Variants in CCNY observed in about 807,000 individuals in gnomAD.
The protein encoded by CCNY is cyclin Y.
A neutral mutation model predicts 42.8 loss-of-function variants in CCNY; 19 were observed. The observed-to-expected ratio is 0.44, with a 90% confidence interval of 0.31 to 0.65. CCNY has a LOEUF of 0.65. CCNY is among the 30% of genes least tolerant of loss of function. The pLI is 0.07. For missense variants in CCNY, 370 were observed against 437.3 expected (o/e 0.85, Z 1.37); for synonymous variants, 165 against 162.7 (o/e 1.01, Z -0.11).
chr10:35,377,461 AC>A (rs754321509), intron 1 of CCNY, among the ~76,000 whole-genome samples: 4 of 152,242 alleles, frequency 2.6e-5, no homozygotes, highest in Non-Finnish European at 5.9e-5. Context: ...CCTATGAACA[AC>A]CGGCTGTCCT....
At chr10:35,525,125 A>G (rs1196602848) in intron 4 of CCNY, among the ~76,000 whole-genome samples, 1 of 152,230 alleles carries the variant, frequency 6.6e-6, no homozygotes, top group Non-Finnish European at 1.5e-5. Context: ...CGACAATCAT[A>G]TGAAGGAATA....
intron 7 of CCNY, among the ~76,000 whole-genome samples, chr10:35,538,539 T>C (rs1840932753): frequency 6.6e-6 from 1 of 152,246 alleles, no homozygotes; most frequent in African/African-American, 2.4e-5. Context: ...AGGTCATTGT[T>C]TTTATTTGCA....
chr10:35,305,044 C>A (rs1371680311), intron 3 of CCNY, among the ~76,000 whole-genome samples: 2 of 152,180 alleles, frequency 1.3e-5, no homozygotes, highest in African/African-American at 2.4e-5. Flanking sequence ...AGGAACAATT[C>A]ATGAGGCATT....
chr10:35,559,767 G>T (rs1484925388), intron 8 of CCNY, among the ~76,000 whole-genome samples: 1 of 152,246 alleles, frequency 6.6e-6, no homozygotes, highest in Non-Finnish European at 1.5e-5. Context: ...TCCTGAGATG[G>T]TACCGAGGCC....
intron 3 of CCNY, among the ~76,000 whole-genome samples, chr10:35,267,935 C>CT (rs890477921): frequency 9.3e-5 from 14 of 150,992 alleles, no homozygotes; most frequent in Admixed American, 1.3e-4. Context: ...TTCTTTTTTC[C>CT]TTTTTTTTTG....
chr10:35,396,665 C>A (rs767176205), intron 1 of CCNY, among the ~76,000 whole-genome samples: 1 of 152,216 alleles, frequency 6.6e-6, no homozygotes, highest in Non-Finnish European at 1.5e-5. Flanking sequence ...TTCACCTAGG[C>A]CTCAGGGACG....
intron 1 of CCNY, among the ~76,000 whole-genome samples, chr10:35,347,920 A>G (rs994573563): frequency 2.6e-5 from 4 of 152,244 alleles, no homozygotes; most frequent in Non-Finnish European, 5.9e-5. Context: ...TATCCTGTCA[A>G]AGTCCCGGAG....
chr10:35,370,154 GT>G (rs1227067609), intron 1 of CCNY, among the ~76,000 whole-genome samples: 6,580 of 143,170 alleles, frequency 0.046, 159 homozygotes, highest in African/African-American at 0.078. Context: ...ACATATCCAT[GT>G]TTTTTTTTTT....
chr10:35,262,824 G>A lies in CCNY; in HGVS notation c.-9+12198G>A, dbSNP rs545545896. On this transcript the variant is annotated intron_variant, in intron 3 of 11. Coordinates refer to the CCNY transcript ENST00000374706. ...GGCTTCTCTTAACCAGTCTTTTCTCGGAAGAGTTTTAAAGTACCTTGACTC... is the reference window on the plus strand; with the variant it reads ...GGCTTCTCTTAACCAGTCTTTTCTCAGAAGAGTTTTAAAGTACCTTGACTC... Among the ~76,000 whole-genome samples the A allele has an allele frequency of 2.4e-4, 36 of 151,972 alleles. No individual in the cohort carries two copies. The South Asian group carries it at 4.2e-3, about 18-fold the overall frequency.
chr10:35,551,956 A>T (rs1841267216), intron 7 of CCNY, among the ~76,000 whole-genome samples: 1 of 152,192 alleles, frequency 6.6e-6, no homozygotes, highest in Non-Finnish European at 1.5e-5. Flanking sequence ...GTGGAAAATG[A>T]TATGGCAGCT....
chr10:35,465,313 AC>A (rs1349335605), intron 1 of CCNY, among the ~76,000 whole-genome samples: 2 of 151,532 alleles, frequency 1.3e-5, no homozygotes, highest in African/African-American at 4.8e-5. Context: ...GGGTCCGAGC[AC>A]CGATAGTTTT....
intron 3 of CCNY, 62 bp from the exon 4 acceptor site, chr10:35,516,461 G>A (rs966135981): frequency 8.6e-7 from 1 of 1,157,932 alleles, no homozygotes; most frequent in Non-Finnish European, 1.3e-6. Flanking sequence ...CGGGGGTGAT[G>A]TTTCTTGGAA....
chr10:35,564,127 G>T (rs903842865), intron 8 of CCNY, among the ~76,000 whole-genome samples: 1 of 151,996 alleles, frequency 6.6e-6, no homozygotes, highest in South Asian at 2.1e-4. Context: ...TGATCCACCC[G>T]CCTCAGCCTC....
intron 3 of CCNY, among the ~76,000 whole-genome samples, chr10:35,306,077 C>A (rs987699836): frequency 1.3e-5 from 2 of 152,144 alleles, no homozygotes; most frequent in African/African-American, 4.8e-5. Context: ...CTCTGTTGCC[C>A]AGCCTGGAGT....
intron 7 of CCNY, among the ~76,000 whole-genome samples, chr10:35,548,029 C>T (rs558779516): frequency 2.6e-5 from 4 of 152,076 alleles, no homozygotes; most frequent in Non-Finnish European, 5.9e-5. Context: ...TGTTACTCCA[C>T]TTGACCCATG....
At chr10:35,454,413 C>A (rs751961168) in intron 1 of CCNY, among the ~76,000 whole-genome samples, 1 of 152,170 alleles carries the variant, frequency 6.6e-6, no homozygotes, top group Non-Finnish European at 1.5e-5. Flanking sequence ...GACTGTGAAC[C>A]CCCCACCAGG....
At chr10:35,470,310 C>T (rs930988572) in intron 1 of CCNY, among the ~76,000 whole-genome samples, 9 of 151,450 alleles carry the variant, frequency 5.9e-5, no homozygotes, top group African/African-American at 1.9e-4. Context: ...GAGAGGCAAA[C>T]GGGGAGATGC....
intron 1 of CCNY, among the ~76,000 whole-genome samples, chr10:35,404,570 G>T (rs1165113950): frequency 6.6e-6 from 1 of 152,126 alleles, no homozygotes; most frequent in Non-Finnish European, 1.5e-5. Flanking sequence ...TGTGGAGTGA[G>T]TAGTCTCCTT....
chr10:35,494,244 C>CG (rs898491097), intron 2 of CCNY, among the ~76,000 whole-genome samples: 1 of 147,602 alleles, frequency 6.8e-6, no homozygotes, highest in East Asian at 2.0e-4. Flanking sequence ...ACCCCCCCCC[C>CG]CATTTCTACA....
Sources: gnomAD v4.1 joint callset for allele counts (sites outside exome capture counted in the v4.1 genomes callset) on GRCh38, gnomAD v4.1.1 for gene constraint, MANE v1.5 for transcripts, NCBI Gene and HGNC (gene_info 2026-07-23, HGNC 2026-07-21) for gene names.